The following NRXN3 variants were observed in gnomAD, a reference collection of about 807,000 sequenced individuals.
NRXN3 encodes the protein neurexin III.
Under a neutral mutation model 137.6 loss-of-function variants are expected in NRXN3, and 32 were observed. The ratio of observed to expected loss-of-function variants is 0.23; its 90% CI spans 0.18 to 0.31. The LOEUF (loss-of-function observed/expected upper bound fraction) is 0.31. Among genes scored for constraint, NRXN3 ranks in the 10% least tolerant of loss-of-function variants. NRXN3 has a pLI of 1.00. For synonymous variants in NRXN3, 798 were observed against 784.5 expected, an observed-to-expected ratio of 1.02 and a Z score of -0.29; for missense variants, 1,574 against 2,062.5, an observed-to-expected ratio of 0.76 and a Z score of 4.59.
intron 15 of NRXN3, among the ~76,000 whole-genome samples, chr14:79,434,144 G>A (rs2095806500): frequency 6.6e-6 from 1 of 152,146 alleles, no homozygotes; most frequent in Non-Finnish European, 1.5e-5. Context: ...CAGACTTTTA[G>A]ATGATAATCA....
At chr14:78,578,120 G>T (rs12431997) in intron 4 of NRXN3, among the ~76,000 whole-genome samples, 4,231 of 152,126 alleles carry the variant, frequency 0.028, 64 homozygotes, top group African/African-American at 0.031. Context: ...TTGACAAATG[G>T]TTCAGGTAAA....
intron 10 of NRXN3, among the ~76,000 whole-genome samples, chr14:78,883,853 A>T (rs892800042): frequency 6.6e-6 from 1 of 152,212 alleles, no homozygotes; most frequent in Non-Finnish European, 1.5e-5. Flanking sequence ...GTTGCATGAT[A>T]TAGTTTTCTG....
chr14:79,329,870 C>A (rs893825177), intron 15 of NRXN3, among the ~76,000 whole-genome samples: 1 of 147,372 alleles, frequency 6.8e-6, no homozygotes, highest in Admixed American at 6.8e-5. Context: ...GAGATGGAGT[C>A]TTGCTCTGTC....
chr14:79,203,786 C>A (rs1223038249), intron 15 of NRXN3, among the ~76,000 whole-genome samples: 1 of 152,162 alleles, frequency 6.6e-6, no homozygotes, highest in Non-Finnish European at 1.5e-5. Flanking sequence ...GGATTAAATA[C>A]TATATACATG....
intron 4 of NRXN3, among the ~76,000 whole-genome samples, chr14:78,338,196 C>T (rs892516458): frequency 2.0e-5 from 3 of 152,142 alleles, no homozygotes; most frequent in Non-Finnish European, 2.9e-5. Flanking sequence ...GTAACATTTC[C>T]CTCAAAGCAA....
intron 4 of NRXN3, among the ~76,000 whole-genome samples, chr14:78,304,018 A>G (rs542954590): frequency 1.3e-5 from 2 of 152,320 alleles, no homozygotes; most frequent in Admixed American, 1.3e-4. Context: ...AACTGATTTT[A>G]GATATGGGGG....
Position 79,804,889 on chromosome 14 carries a change from T to C in NRXN3, c.4015-223T>C, listed in dbSNP as rs906150099. ...CTGGAACCATCTTGGGTCACTCAGCTCTACGGAAGACCCCCCTAAGACGGT... is the reference window on the plus strand; with the variant it reads ...CTGGAACCATCTTGGGTCACTCAGCCCTACGGAAGACCCCCCTAAGACGGT... On this transcript the variant is annotated intron_variant, in intron 19 of 20. Coordinates refer to ENST00000335750, the MANE Select transcript of NRXN3 (RefSeq NM_001330195.2). Among the ~76,000 whole-genome samples, 11 of 152,124 alleles carry C rather than the reference T, an allele frequency of 7.2e-5. No homozygotes were observed. In the South Asian group the frequency reaches 1.5e-3, roughly 20 times the overall value.
At chr14:78,578,418 T>C (rs1286660213) in intron 4 of NRXN3, among the ~76,000 whole-genome samples, 1 of 152,172 alleles carries the variant, frequency 6.6e-6, no homozygotes, top group Admixed American at 6.5e-5. Flanking sequence ...TCGGAGTAAT[T>C]GGGGACTGGT....
At chr14:79,781,220 A>G (rs1233343004) in intron 19 of NRXN3, among the ~76,000 whole-genome samples, 2 of 152,152 alleles carry the variant, frequency 1.3e-5, no homozygotes, top group Non-Finnish European at 2.9e-5. Context: ...CCTGATCACT[A>G]GCCAAACTAT....
At position 79,577,305 on chromosome 14, in the gene NRXN3, T is replaced by C. The variant is rs142991654; in HGVS notation, c.3445-86473T>C. Among the ~76,000 whole-genome samples the C allele has an allele frequency of 1.1e-3, 163 of 152,298 alleles. 1 individual carries two copies. Among genetic ancestry groups the C allele is most frequent in the African/African-American group, 3.7e-3 (153 of 41,578 alleles). ...CTGTTTATCATATTCTTGACAGCAA[T>C]AAAACAATTGCTTACTGTCAGCTCT... On this transcript the variant is annotated intron_variant, in intron 16 of 20. Transcript: ENST00000335750.
intron 15 of NRXN3, among the ~76,000 whole-genome samples, chr14:79,449,232 A>G (rs1182186735): frequency 6.6e-6 from 1 of 152,166 alleles, no homozygotes; most frequent in Non-Finnish European, 1.5e-5. Flanking sequence ...TAGCCACTAT[A>G]CTTGTCTTTT....
chr14:79,697,497 T>G, intron 18 of NRXN3, 133 bp from the exon 19 acceptor site: 1 of 822,422 alleles, frequency 1.2e-6, no homozygotes, highest in Non-Finnish European at 1.9e-6. Context: ...AGTACTGAGG[T>G]TTTGTTGTCT....
intron 15 of NRXN3, among the ~76,000 whole-genome samples, chr14:79,373,512 A>G (rs900300756): frequency 6.6e-6 from 1 of 152,204 alleles, no homozygotes. Flanking sequence ...TTACTTCTTC[A>G]TTACTTGATT....
Position 78,385,834 on chromosome 14 carries a change from C to T in NRXN3, c.757+87974C>T, listed in dbSNP as rs140948171. Among the ~76,000 whole-genome samples the T allele has an allele frequency of 3.4e-3, 520 of 152,240 alleles. 2 individuals are homozygous for T. Among genetic ancestry groups the T allele is most frequent in the African/African-American group, 0.012 (493 of 41,544 alleles). On this transcript the variant is annotated intron_variant, in intron 4 of 20. Transcript: ENST00000335750. ...TTACTGCAGTCTTGTCCTAGTGACA[C>T]CTACAAGGAAGCACTTGGTAAATGC...
intron 20 of NRXN3, among the ~76,000 whole-genome samples, chr14:79,807,139 ATTTGT>A (rs1406484007): frequency 2.0e-5 from 3 of 150,984 alleles, no homozygotes; most frequent in African/African-American, 7.3e-5. Context: ...ATGCCAGCTA[ATTTGT>A]TTTATTTTGT....
At chr14:79,763,983 T>C in intron 19 of NRXN3, among the ~76,000 whole-genome samples, 1 of 149,556 alleles carries the variant, frequency 6.7e-6, no homozygotes, top group Non-Finnish European at 1.5e-5. Flanking sequence ...ATTGTGCTTT[T>C]TCTGAAAATG....
At chr14:78,778,728 T>C (rs545022927) in intron 8 of NRXN3, among the ~76,000 whole-genome samples, 217 of 134,756 alleles carry the variant, frequency 1.6e-3, no homozygotes, top group Middle Eastern at 3.8e-3. Context: ...CTTTCTTTCT[T>C]TCTCTCTCTC....
At chr14:79,242,725 A>G (rs2074504116) in intron 15 of NRXN3, among the ~76,000 whole-genome samples, 1 of 152,180 alleles carries the variant, frequency 6.6e-6, no homozygotes, top group Non-Finnish European at 1.5e-5. Context: ...TGAGGGCTAA[A>G]GTCTCATTCA....
chr14:79,093,710 A>G (rs1364708017), intron 15 of NRXN3, among the ~76,000 whole-genome samples: 8 of 152,168 alleles, frequency 5.3e-5, no homozygotes, highest in Non-Finnish European at 7.4e-5. Flanking sequence ...TGCAGAGGTT[A>G]GATAAATATC....
Sources: allele counts gnomAD v4.1 joint callset (sites outside exome capture counted in the v4.1 genomes callset), GRCh38; gene constraint gnomAD v4.1.1; transcripts MANE v1.5; gene names NCBI Gene and HGNC (gene_info 2026-07-23, HGNC 2026-07-21).